CLEC16A: variants seen among roughly 807,000 people sequenced by gnomAD.
CLEC16A encodes protein CLEC16A.
CLEC16A carries 51 observed loss-of-function variants against 109.5 expected under a neutral mutation model. The ratio of observed to expected loss-of-function variants is 0.47; its 90% CI spans 0.37 to 0.59. The LOEUF (loss-of-function observed/expected upper bound fraction) is 0.59, where lower values mean the gene tolerates loss of function less well. Among genes scored for constraint, CLEC16A ranks in the 20% least tolerant of loss-of-function variants. CLEC16A has a pLI of 0.00. For synonymous variants in CLEC16A, 673 were observed against 564.2 expected (o/e 1.19, Z -2.73); for missense variants, 1,339 against 1,394.0 (o/e 0.96, Z 0.63).
chr16:11,061,274 C>T (rs370131003), intron 19 of CLEC16A, among the ~76,000 whole-genome samples: 1 of 152,112 alleles, frequency 6.6e-6, no homozygotes, highest in East Asian at 1.9e-4. Context: ...CTGCAGAGCA[C>T]CTGGAGGCTC....
At chr16:10,969,976 G>T (rs1053645786) in intron 4 of CLEC16A, among the ~76,000 whole-genome samples, 3 of 152,184 alleles carry the variant, frequency 2.0e-5, no homozygotes, top group African/African-American at 7.2e-5. Flanking sequence ...TTGTTGATAA[G>T]ATAATGTCCC....
At chr16:10,987,639 G>A (rs1435315671) in intron 10 of CLEC16A, among the ~76,000 whole-genome samples, 1 of 152,208 alleles carries the variant, frequency 6.6e-6, no homozygotes, top group East Asian at 1.9e-4. Flanking sequence ...GAAGTTGGTT[G>A]TAATCTGATG....
chr16:11,174,633 A>G lies in CLEC16A; in HGVS notation c.2807-3702A>G, dbSNP rs947341187. ...AGCAGATGCTCCTGCCAAGTCCCCC[A>G]GGGGTCCCCCCAGTTTAGGCCATGG... On this transcript the variant is annotated intron_variant, in intron 23 of 23. Coordinates refer to ENST00000409790, the MANE Select transcript of CLEC16A (RefSeq NM_015226.3). This position sits in a 1 kb window ranked among gnomAD's most constrained non-coding sequence, Gnocchi z 4.7. Among the ~76,000 whole-genome samples the G allele has an allele frequency of 7.7e-4, 117 of 152,212 alleles. 1 individual carries two copies. Among genetic ancestry groups the G allele is most frequent in the Admixed American group, 7.7e-3 (117 of 15,278 alleles).
chr16:11,153,662 A>G (rs1272087140), intron 22 of CLEC16A, among the ~76,000 whole-genome samples: 1 of 151,844 alleles, frequency 6.6e-6, no homozygotes, highest in East Asian at 1.9e-4. Flanking sequence ...AAGGAAAAGC[A>G]TTCCTTCTGG....
chr16:10,968,158 G>C (rs940897099), intron 3 of CLEC16A, among the ~76,000 whole-genome samples: 4 of 152,264 alleles, frequency 2.6e-5, no homozygotes, highest in Non-Finnish European at 5.9e-5. Context: ...AGCAGTGCCT[G>C]CCTTGCAGGG....
chr16:11,104,420 C>A (rs2051099759), intron 19 of CLEC16A, among the ~76,000 whole-genome samples: 1 of 152,138 alleles, frequency 6.6e-6, no homozygotes, highest in Admixed American at 6.5e-5. Flanking sequence ...TGCCACCACA[C>A]CCAGCATATC....
chr16:10,976,095 C>T (rs1333051816), intron 7 of CLEC16A, among the ~76,000 whole-genome samples: 1 of 152,114 alleles, frequency 6.6e-6, no homozygotes, highest in Non-Finnish European at 1.5e-5. Context: ...TGAGACCCCT[C>T]CACCCTCTAT....
chr16:11,121,120 G>A (rs752722228), intron 20 of CLEC16A, among the ~76,000 whole-genome samples: 1 of 152,182 alleles, frequency 6.6e-6, no homozygotes. Flanking sequence ...GAGAGTGTAT[G>A]TGTGTGTTTT....
At chr16:11,069,453 T>TA (rs199800651) in intron 19 of CLEC16A, among the ~76,000 whole-genome samples, 13 of 151,916 alleles carry the variant, frequency 8.6e-5, no homozygotes, top group Admixed American at 8.5e-4. Flanking sequence ...TTTTTTTTTT[T>TA]ATACAAGGTC....
chr16:11,168,010 G>T (rs939730157), intron 23 of CLEC16A, among the ~76,000 whole-genome samples: 6 of 152,202 alleles, frequency 3.9e-5, no homozygotes, highest in African/African-American at 1.4e-4. Context: ...AAGCTTCCTT[G>T]CCCTTGTAGC....
chr16:11,020,346 T>C (rs2046023307), intron 12 of CLEC16A, 21 bp downstream of exon 12: 2 of 1,590,788 alleles, frequency 1.3e-6, no homozygotes, highest in Non-Finnish European at 1.7e-6. Flanking sequence ...GAGAGGTCGA[T>C]GCTGAGTGCT....
chr16:10,957,816 G>A lies in CLEC16A; in HGVS notation c.115G>A (p.Val39Ile), dbSNP rs1387243072. The change falls in exon 2 of 24, where the codon GTC (valine) becomes ATC (isoleucine). Residue 39 changes from valine to isoleucine, a missense_variant. Transcript: ENST00000409790. ...LYHVLTKNTTVTEQNRNLLVE... is the reference protein window; with the variant it reads ...LYHVLTKNTTITEQNRNLLVE... ...CCACGTTTTGACCAAAAACACCACA[G>A]TCACAGAACAGAACCGGAACCTGCT... 6.2e-7 allele frequency: 1 copy of A among 1,613,666 alleles called. No individual in the cohort carries two copies. The highest frequency in any genetic ancestry group is 1.3e-5 in the African/African-American group (1 of 74,914).
At chr16:11,015,096 T>C (rs1305056535) in intron 11 of CLEC16A, among the ~76,000 whole-genome samples, 1 of 152,198 alleles carries the variant, frequency 6.6e-6, no homozygotes, top group Non-Finnish European at 1.5e-5. Context: ...CTATAAGGGT[T>C]GTTTGGATAA....
At chr16:10,967,102 G>C (rs964690134) in intron 3 of CLEC16A, among the ~76,000 whole-genome samples, 1 of 152,118 alleles carries the variant, frequency 6.6e-6, no homozygotes. Flanking sequence ...ACTACAAACC[G>C]CACAGCCTGT....
chr16:10,972,467 C>T (rs1567523322), intron 5 of CLEC16A, 87 bp from the exon 6 acceptor site: 1 of 1,239,302 alleles, frequency 8.1e-7, no homozygotes, highest in East Asian at 2.4e-5. Flanking sequence ...CTGAGCAGCT[C>T]TCTCACCTTC....
At chr16:11,115,022 T>G (rs2051878811) in intron 19 of CLEC16A, among the ~76,000 whole-genome samples, 2 of 152,290 alleles carry the variant, frequency 1.3e-5, no homozygotes, top group East Asian at 3.9e-4. Flanking sequence ...CGTTCTGGGG[T>G]TTTATCCTTC....
chr16:11,096,762 G>A (rs1307857016), intron 19 of CLEC16A, among the ~76,000 whole-genome samples: 3 of 152,152 alleles, frequency 2.0e-5, no homozygotes, highest in Non-Finnish European at 4.4e-5. Flanking sequence ...GGCAATTCTT[G>A]GTTGGCAAAT....
intron 15 of CLEC16A, among the ~76,000 whole-genome samples, chr16:11,043,631 G>A (rs532332705): frequency 7.9e-5 from 12 of 152,038 alleles, no homozygotes; most frequent in Non-Finnish European, 1.6e-4. Flanking sequence ...TTGGGAGGCC[G>A]AGGCGGGCAG....
chr16:11,161,025 G>A lies in CLEC16A; in HGVS notation c.2642-5363G>A, dbSNP rs79659389. Reference sequence around the variant, plus strand: ...GCTTCTGGGTTCTGTAACTGCAACCGAAAGGGAGAATGGTTATTGAGAGAC... The same window carrying A: ...GCTTCTGGGTTCTGTAACTGCAACCAAAAGGGAGAATGGTTATTGAGAGAC... On this transcript the variant is annotated intron_variant, in intron 22 of 23. Transcript: ENST00000409790. Among the ~76,000 whole-genome samples the A allele has an allele frequency of 5.5e-4, 84 of 152,316 alleles. 1 individual carries two copies. The Middle Eastern group carries it at 0.02, about 37-fold the overall frequency.
Sources: allele counts gnomAD v4.1 joint callset (sites outside exome capture counted in the v4.1 genomes callset), GRCh38; gene constraint gnomAD v4.1.1; non-coding constraint Gnocchi (gnomAD v3.1); transcripts MANE v1.5; gene names NCBI Gene and HGNC (gene_info 2026-07-23, HGNC 2026-07-21).